The following LINGO2 variants were observed in gnomAD, a reference collection of about 807,000 sequenced individuals.
LINGO2 encodes the protein leucine rich repeat and Ig domain containing 2.
Under a neutral mutation model 30.6 loss-of-function variants are expected in LINGO2, and 14 were observed. That is an observed-to-expected ratio of 0.46 (90% confidence interval 0.30 to 0.72). The LOEUF (loss-of-function observed/expected upper bound fraction) is 0.72, where lower values mean the gene tolerates loss of function less well. Among genes scored for constraint, LINGO2 ranks in the 30% least tolerant of loss-of-function variants. The pLI is 0.07. For missense variants in LINGO2, 729 were observed against 751.7 expected, an observed-to-expected ratio of 0.97 and a Z score of 0.35; for synonymous variants, 317 against 288.5, an observed-to-expected ratio of 1.10 and a Z score of -1.00.
At chr9:29,060,194 T>C in the LINGO2 span, among the ~76,000 whole-genome samples, 1 of 152,040 alleles carries the variant, frequency 6.6e-6, no homozygotes, top group East Asian at 1.9e-4. Context: ...GAAAGTTAAA[T>C]TCAGAAAGTA....
chr9:28,748,396 T>TCTAA, the LINGO2 span, among the ~76,000 whole-genome samples: 150,296 of 151,832 alleles, frequency 0.99, 74,427 homozygotes, highest in East Asian at 1. Flanking sequence ...AATAGAAATT[T>TCTAA]CTAACAACTT....
intron 3 of LINGO2, among the ~76,000 whole-genome samples, chr9:28,332,288 T>C (rs923820671): frequency 4.6e-5 from 7 of 152,126 alleles, no homozygotes; most frequent in East Asian, 1.9e-4. Flanking sequence ...AAAGTAATTG[T>C]GGTCTTGCCG....
chr9:28,618,099 AT>A (rs1826222322), intron 1 of LINGO2, among the ~76,000 whole-genome samples: 1 of 152,118 alleles, frequency 6.6e-6, no homozygotes, highest in African/African-American at 2.4e-5. Context: ...TCAGGTTTTG[AT>A]TATGAGATAA....
chr9:29,096,095 T>C, the LINGO2 span, among the ~76,000 whole-genome samples: 3 of 137,688 alleles, frequency 2.2e-5, 1 homozygote, highest in Non-Finnish European at 3.1e-5. Flanking sequence ...TAGGATGAGG[T>C]TGGATTTTTA....
At chr9:28,730,007 A>G in the LINGO2 span, among the ~76,000 whole-genome samples, 2 of 152,158 alleles carry the variant, frequency 1.3e-5, no homozygotes, top group African/African-American at 4.8e-5. Flanking sequence ...CTCAATAGCA[A>G]CAGTAGATGT....
intron 1 of LINGO2, among the ~76,000 whole-genome samples, chr9:28,555,820 C>T (rs1822641598): frequency 6.6e-6 from 1 of 152,008 alleles, no homozygotes; most frequent in African/African-American, 2.4e-5. Context: ...GGCTTCATCC[C>T]TGGGATGCAA....
chr9:28,363,511 A>G (rs530180241), intron 3 of LINGO2, among the ~76,000 whole-genome samples: 2 of 152,272 alleles, frequency 1.3e-5, no homozygotes, highest in East Asian at 3.9e-4. Flanking sequence ...TTGACTAAAG[A>G]AGTTTGGGTT....
At chr9:29,199,857 G>A in the LINGO2 span, among the ~76,000 whole-genome samples, 1 of 151,912 alleles carries the variant, frequency 6.6e-6, no homozygotes, top group Admixed American at 6.6e-5. Flanking sequence ...AGAAAGACCA[G>A]TTGGCTTAAA....
At chr9:28,407,781 C>T in intron 2 of LINGO2, among the ~76,000 whole-genome samples, 1 of 152,234 alleles carries the variant, frequency 6.6e-6, no homozygotes, top group South Asian at 2.1e-4. Context: ...TTTACTGAAT[C>T]ACTATAATTT....
chr9:28,651,970 C>T (rs535573675), intron 1 of LINGO2, among the ~76,000 whole-genome samples: 1 of 152,262 alleles, frequency 6.6e-6, no homozygotes, highest in Non-Finnish European at 1.5e-5. Flanking sequence ...CGAAGGCTAC[C>T]TAATTCACAA....
the LINGO2 span, among the ~76,000 whole-genome samples, chr9:29,059,544 G>T: frequency 6.6e-6 from 1 of 151,652 alleles, no homozygotes; most frequent in East Asian, 1.9e-4. Flanking sequence ...ATAGACGAAT[G>T]AAACAGATTA....
At position 28,175,843 on chromosome 9, in the gene LINGO2, A is replaced by G. The variant is rs114465736; in HGVS notation, c.-87+119365T>C. Among the ~76,000 whole-genome samples the G allele has an allele frequency of 5.9e-3, 900 of 152,292 alleles. 9 individuals carry two copies. Among genetic ancestry groups the G allele is most frequent in the African/African-American group, 0.021 (860 of 41,566 alleles). On this transcript the variant is annotated intron_variant, in intron 4 of 5. Transcript: ENST00000379992. The stretch of plus-strand genomic sequence containing the variant: ...GGTGTTTGATTTATGTATCAACTGT[A>G]TGAGCTCCAATAACTCAAGACAACT...
the LINGO2 span, among the ~76,000 whole-genome samples, chr9:29,208,902 T>A: frequency 6.6e-6 from 1 of 152,102 alleles, no homozygotes; most frequent in Non-Finnish European, 1.5e-5. Flanking sequence ...TCTTGGGAGA[T>A]TTTTAGAACT....
At chr9:28,146,547 T>G (rs1402310319) in intron 4 of LINGO2, among the ~76,000 whole-genome samples, 4 of 141,222 alleles carry the variant, frequency 2.8e-5, no homozygotes, top group East Asian at 2.2e-4. Flanking sequence ...CAAAATTTAC[T>G]TAAGTGGTAA....
At chr9:28,666,943 A>T (rs957350445) in intron 1 of LINGO2, among the ~76,000 whole-genome samples, 1 of 152,210 alleles carries the variant, frequency 6.6e-6, no homozygotes, top group Non-Finnish European at 1.5e-5. Context: ...TCTTTATATT[A>T]AAATCACTTT....
downstream of LINGO2, among the ~76,000 whole-genome samples, chr9:27,946,339 A>G (rs1349846655): frequency 6.6e-6 from 1 of 152,258 alleles, no homozygotes; most frequent in African/African-American, 2.4e-5. Context: ...CTATTATTCC[A>G]TAGATCAGAG....
At chr9:28,623,618 T>C (rs1414205846) in intron 1 of LINGO2, among the ~76,000 whole-genome samples, 1 of 152,126 alleles carries the variant, frequency 6.6e-6, no homozygotes, top group South Asian at 2.1e-4. Flanking sequence ...TAATTTAAAG[T>C]TAGGTATTGT....
chr9:28,814,978 A>T, the LINGO2 span, among the ~76,000 whole-genome samples: 2 of 152,202 alleles, frequency 1.3e-5, no homozygotes, highest in Non-Finnish European at 2.9e-5. Context: ...GTGTCCCTAA[A>T]ACAATTCTAA....
chr9:28,948,783 T>C, the LINGO2 span, among the ~76,000 whole-genome samples: 11 of 152,200 alleles, frequency 7.2e-5, no homozygotes, highest in Non-Finnish European at 1.2e-4. Context: ...CAAGGAGATA[T>C]GTCATAGTGA....
Sources: allele counts gnomAD v4.1 joint callset (sites outside exome capture counted in the v4.1 genomes callset), GRCh38; gene constraint gnomAD v4.1.1; transcripts MANE v1.5; gene names NCBI Gene and HGNC (gene_info 2026-07-23, HGNC 2026-07-21).